Variants in ATP10A observed in about 807,000 individuals in gnomAD.
ATP10A encodes the protein phospholipid-transporting ATPase VA.
Under a neutral mutation model 147.8 loss-of-function variants are expected in ATP10A, and 111 were observed. The ratio of observed to expected loss-of-function variants is 0.75; its 90% CI spans 0.64 to 0.88. ATP10A has a LOEUF of 0.88. ATP10A is among the 40% of genes least tolerant of loss of function. The probability of loss-of-function intolerance (pLI) is 0.00; values close to 1 mark genes in which losing one functional copy is unlikely to be tolerated. For missense variants in ATP10A, 1,927 were observed against 1,959.0 expected, an observed-to-expected ratio of 0.98 and a Z score of 0.31; for synonymous variants, 875 against 841.6, an observed-to-expected ratio of 1.04 and a Z score of -0.69.
At chr15:25,799,628 G>T (rs1890844078) in intron 1 of ATP10A, among the ~76,000 whole-genome samples, 1 of 152,180 alleles carries the variant, frequency 6.6e-6, no homozygotes, top group South Asian at 2.1e-4. Flanking sequence ...CAGCTACTCG[G>T]GAGGCTGAGG....
At chr15:25,700,204 G>A (rs935733242) in intron 13 of ATP10A, among the ~76,000 whole-genome samples, 1 of 152,146 alleles carries the variant, frequency 6.6e-6, no homozygotes, top group East Asian at 1.9e-4. Flanking sequence ...ACCCATTAGA[G>A]GGGCTAGCAG....
intron 7 of ATP10A, 126 bp from the exon 8 acceptor site, chr15:25,718,525 T>C: frequency 1.0e-6 from 1 of 965,742 alleles, no homozygotes; most frequent in Non-Finnish European, 1.5e-6. Context: ...TTCACCACCC[T>C]TGCTCTCTAA....
chr15:25,783,470 T>A (rs1026753765), intron 1 of ATP10A, among the ~76,000 whole-genome samples: 1 of 96,184 alleles, frequency 1.0e-5, no homozygotes, highest in East Asian at 2.9e-4. Context: ...CTGTGTGGAT[T>A]TGAGGGACCC....
At chr15:25,813,942 G>A (rs1026892618) in intron 1 of ATP10A, among the ~76,000 whole-genome samples, 12 of 151,976 alleles carry the variant, frequency 7.9e-5, no homozygotes, top group Non-Finnish European at 1.6e-4. Context: ...TCAAGTTTGG[G>A]GGGCGGTGGG....
At chr15:25,690,673 A>ACCC (rs1899977399) in intron 15 of ATP10A, among the ~76,000 whole-genome samples, 1 of 152,180 alleles carries the variant, frequency 6.6e-6, no homozygotes, top group Admixed American at 6.5e-5. Context: ...AACAGTTCAG[A>ACCC]CCCGTGTTGT....
At chr15:25,806,579 T>C (rs1891201633) in intron 1 of ATP10A, among the ~76,000 whole-genome samples, 1 of 152,206 alleles carries the variant, frequency 6.6e-6, no homozygotes, top group South Asian at 2.1e-4. Flanking sequence ...CCCAAAGTGC[T>C]GGGATTACAG....
intron 1 of ATP10A, among the ~76,000 whole-genome samples, chr15:25,812,451 A>G (rs1891473853): frequency 6.6e-6 from 1 of 152,194 alleles, no homozygotes; most frequent in African/African-American, 2.4e-5. Flanking sequence ...TTTTTCATTC[A>G]AAGCGAGGGA....
chr15:25,686,183 G>A (rs1196310071), intron 16 of ATP10A, among the ~76,000 whole-genome samples: 1 of 152,110 alleles, frequency 6.6e-6, no homozygotes, highest in Non-Finnish European at 1.5e-5. Flanking sequence ...GCTAGAAGAC[G>A]CTCCGAAAAA....
At chr15:25,861,909 C>T (rs763757669) in intron 1 of ATP10A, 5 of 221,846 alleles carry the variant, frequency 2.3e-5, no homozygotes, top group African/African-American at 4.7e-5. Flanking sequence ...TGGACAGGTC[C>T]GCCGGAGACT....
intron 1 of ATP10A, among the ~76,000 whole-genome samples, chr15:25,786,792 G>GT (rs60057456): frequency 0.079 from 10,674 of 135,210 alleles, 612 homozygotes; most frequent in East Asian, 0.14. Flanking sequence ...TGCCCAGCTA[G>GT]TTTTTTTTTT....
intron 16 of ATP10A, 65 bp from the exon 17 acceptor site, chr15:25,683,551 G>A (rs566354632): frequency 1.8e-5 from 27 of 1,467,294 alleles, no homozygotes; most frequent in Middle Eastern, 1.7e-4. Context: ...ATTCTCATCC[G>A]AGGGAGCTGA....
At chr15:25,765,744 C>A (rs1888985580) in intron 2 of ATP10A, among the ~76,000 whole-genome samples, 1 of 152,204 alleles carries the variant, frequency 6.6e-6, no homozygotes, top group South Asian at 2.1e-4. Context: ...TATTCATGAT[C>A]AAGTTCTTCT....
intron 16 of ATP10A, among the ~76,000 whole-genome samples, chr15:25,685,394 G>A (rs1407459517): frequency 1.3e-5 from 2 of 152,176 alleles, no homozygotes; most frequent in Non-Finnish European, 2.9e-5. Flanking sequence ...GCCCGTTCCA[G>A]GTGACCACTA....
At chr15:25,826,703 G>A (rs985573654) in intron 1 of ATP10A, among the ~76,000 whole-genome samples, 5 of 152,132 alleles carry the variant, frequency 3.3e-5, no homozygotes, top group Admixed American at 1.3e-4. Context: ...GCTGAAGCAC[G>A]AGAATCATTT....
At chr15:25,830,802 G>C (rs112597972) in intron 1 of ATP10A, among the ~76,000 whole-genome samples, 1 of 152,134 alleles carries the variant, frequency 6.6e-6, no homozygotes. Flanking sequence ...TTTAGTAAAC[G>C]TGCCACCTGA....
At chr15:25,752,356 A>G (rs1249346695) in intron 2 of ATP10A, among the ~76,000 whole-genome samples, 3 of 152,248 alleles carry the variant, frequency 2.0e-5, no homozygotes, top group African/African-American at 7.2e-5. Context: ...AACAACATGG[A>G]TGGAACTAGA....
At position 25,863,202 on chromosome 15, in the gene ATP10A, C is replaced by T; in HGVS notation, c.-106G>A. ...CGGGCGCGGCGGTGCGAGCTCCCCG[C>T]CTGCGGGACGCACGGAGACCGCGGT... On this transcript the variant is annotated 5_prime_UTR_variant, in exon 1 of 21. Coordinates refer to ENST00000555815, the MANE Select transcript of ATP10A (RefSeq NM_024490.4). 1.3e-6 allele frequency: 1 copy of T among 799,340 alleles called. No homozygotes were observed. Among genetic ancestry groups the T allele is most frequent in the South Asian group, 5.8e-5 (1 of 17,132 alleles). 49.5% of individuals were successfully genotyped at this position (799,340 alleles called of 1,614,324 possible). A position where few individuals can be genotyped will look rare whatever the true frequency, so the allele number is the denominator to read the frequency against.
intron 15 of ATP10A, chr15:25,688,143 C>T (rs1899801559): frequency 1.3e-5 from 5 of 398,600 alleles, no homozygotes; most frequent in Non-Finnish European, 2.4e-5. Context: ...AATGAAAACA[C>T]ACAGAGATAC....
In ATP10A at chr15:25,786,725, A is replaced by G. The variant is rs1165099300; in HGVS notation, c.450-5502T>C. ...ACTGCAAGCTCCGCCTCCTGGGTTC[A>G]CTCCATTCTCCTGCCTCAGCCTTCC... On this transcript the variant is annotated intron_variant, in intron 1 of 20. Transcript: ENST00000555815. Among the ~76,000 whole-genome samples the G allele has an allele frequency of 3.6e-5, 4 of 109,658 alleles. No homozygotes were observed. The Admixed American group carries it at 5.2e-4, about 14-fold the overall frequency. The allele number at this position is 109,658 out of a possible 152,430, so 71.9% of individuals were successfully genotyped here.
Sources: allele counts gnomAD v4.1 joint callset (sites outside exome capture counted in the v4.1 genomes callset), GRCh38; gene constraint gnomAD v4.1.1; transcripts MANE v1.5; gene names NCBI Gene and HGNC (gene_info 2026-07-23, HGNC 2026-07-21).